Variants in PARM1 observed in about 807,000 individuals in gnomAD.
PARM1 encodes the protein WSC4, cell wall integrity and stress response component 4 homolog.
In PARM1, 14 loss-of-function variants were observed where a neutral mutation model predicts 24.6. The ratio of observed to expected loss-of-function variants is 0.57; its 90% CI spans 0.38 to 0.89. The LOEUF (loss-of-function observed/expected upper bound fraction) is 0.89. PARM1 is among the 40% of genes least tolerant of loss of function. The pLI is 0.00. For synonymous variants in PARM1, 179 were observed against 156.6 expected, an observed-to-expected ratio of 1.14 and a Z score of -1.07; for missense variants, 362 against 380.4, an observed-to-expected ratio of 0.95 and a Z score of 0.40.
At chr4:74,945,644 A>G (rs1437818625) in intron 1 of PARM1, among the ~76,000 whole-genome samples, 1 of 152,200 alleles carries the variant, frequency 6.6e-6, no homozygotes, top group Non-Finnish European at 1.5e-5. Context: ...ACTGATCAGT[A>G]TTTAATATAC....
chr4:74,942,492 T>C (rs1384166001), intron 1 of PARM1, among the ~76,000 whole-genome samples: 8 of 152,246 alleles, frequency 5.3e-5, no homozygotes, highest in Non-Finnish European at 4.4e-5. Flanking sequence ...CTAGACTTTC[T>C]TCCCCTAGGG....
At chr4:74,949,960 G>A (rs527609098) in intron 1 of PARM1, among the ~76,000 whole-genome samples, 1 of 151,510 alleles carries the variant, frequency 6.6e-6, no homozygotes, top group Non-Finnish European at 1.5e-5. Context: ...TTTCATCTTG[G>A]AACTCTGGAA....
chr4:74,976,894 C>A (rs74739939), intron 1 of PARM1, among the ~76,000 whole-genome samples: 2,645 of 151,950 alleles, frequency 0.017, 62 homozygotes, highest in African/African-American at 0.06. Context: ...GAAAAACAAA[C>A]AAATATAAAG....
intron 2 of PARM1, among the ~76,000 whole-genome samples, chr4:75,020,929 C>T (rs375778906): frequency 2.3e-4 from 35 of 152,334 alleles, no homozygotes; most frequent in African/African-American, 7.5e-4. Context: ...CCAGTTACAA[C>T]TTGTCACAAG....
At chr4:74,941,452 C>A (rs1721308091) in intron 1 of PARM1, among the ~76,000 whole-genome samples, 1 of 152,106 alleles carries the variant, frequency 6.6e-6, no homozygotes, top group Admixed American at 6.5e-5. Context: ...AAGAAAACAT[C>A]AAATGGCTGA....
At chr4:75,004,712 G>A (rs558743071) in intron 1 of PARM1, among the ~76,000 whole-genome samples, 22 of 152,048 alleles carry the variant, frequency 1.4e-4, no homozygotes, top group Non-Finnish European at 2.6e-4. Context: ...GGAAGGGGAA[G>A]GGTTCATACA....
At chr4:74,984,271 C>T (rs1722310499) in intron 1 of PARM1, among the ~76,000 whole-genome samples, 2 of 152,224 alleles carry the variant, frequency 1.3e-5, no homozygotes, top group Non-Finnish European at 2.9e-5. Context: ...CTATTATACA[C>T]CAAACCTGTA....
rs569404232 is a variant in PARM1 at position 75,001,542 on chromosome 4, C to T, written c.44-10883C>T. ...AGGTTCTGTATCTTGATCTTGCTGG[C>T]GGTAGCACAGGTATACACATGTAAA... On this transcript the variant is annotated intron_variant, in intron 1 of 3. Transcript: ENST00000307428. Among the ~76,000 whole-genome samples, 17 of 152,158 alleles carry T rather than the reference C, an allele frequency of 1.1e-4. 1 individual carries two copies. In the South Asian group the frequency reaches 2.5e-3, roughly 22 times the overall value.
chr4:74,937,690 A>G (rs1208990897), intron 1 of PARM1, among the ~76,000 whole-genome samples: 1 of 152,206 alleles, frequency 6.6e-6, no homozygotes, highest in Non-Finnish European at 1.5e-5. Flanking sequence ...ATTTTTATTA[A>G]TGAAGTGTAC....
At chr4:74,977,580 G>A (rs1273424436) in intron 1 of PARM1, among the ~76,000 whole-genome samples, 1 of 152,188 alleles carries the variant, frequency 6.6e-6, no homozygotes, top group Non-Finnish European at 1.5e-5. Context: ...AACCTAGCAA[G>A]ACAGGCCAAC....
chr4:74,933,251 C>T lies in PARM1; in HGVS notation c.-77C>T. 2 of 1,332,052 alleles carry T rather than the reference C, an allele frequency of 1.5e-6. No individual in the cohort carries two copies. Among genetic ancestry groups the T allele is most frequent in the Non-Finnish European group, 2.1e-6 (2 of 932,332 alleles). The allele number at this position is 1,332,052 out of a possible 1,614,324, so 82.5% of individuals were successfully genotyped here. ...AGCCCACCCGGCAGAGGAGTCGCTA[C>T]CAGCGCCCAGTGCGCTCTGTCAGTC... On this transcript the variant is annotated 5_prime_UTR_variant, in exon 1 of 4. Coordinates refer to ENST00000307428, the MANE Select transcript of PARM1 (RefSeq NM_015393.4).
chr4:74,965,427 A>T (rs1260211780), intron 1 of PARM1: 5 of 152,228 alleles, frequency 3.3e-5, no homozygotes, highest in Non-Finnish European at 7.3e-5. Flanking sequence ...AGGTGCTGTC[A>T]TTCCTTTGTA....
intron 1 of PARM1, among the ~76,000 whole-genome samples, chr4:74,974,563 T>C (rs990254779): frequency 3.3e-5 from 5 of 152,210 alleles, no homozygotes; most frequent in African/African-American, 4.8e-5. Flanking sequence ...TTATGGTTTG[T>C]TACCATAGAA....
At chr4:74,970,904 C>A (rs1722019000) in intron 1 of PARM1, among the ~76,000 whole-genome samples, 1 of 152,164 alleles carries the variant, frequency 6.6e-6, no homozygotes, top group African/African-American at 2.4e-5. Flanking sequence ...TGAGTCCTGG[C>A]TCTGCTCCTT....
chr4:74,954,189 GA>G (rs901209608), intron 1 of PARM1, among the ~76,000 whole-genome samples: 1 of 152,242 alleles, frequency 6.6e-6, no homozygotes, highest in African/African-American at 2.4e-5. Flanking sequence ...GATGGTATAT[GA>G]AGGGACAGGA....
chr4:74,988,322 A>C (rs185098803), intron 1 of PARM1, among the ~76,000 whole-genome samples: 1 of 152,360 alleles, frequency 6.6e-6, no homozygotes, highest in Non-Finnish European at 1.5e-5. Flanking sequence ...ACAGTTGTTT[A>C]TACAATGGAC....
At chr4:74,939,319 G>A (rs1269468049) in intron 1 of PARM1, among the ~76,000 whole-genome samples, 4 of 152,078 alleles carry the variant, frequency 2.6e-5, no homozygotes, top group Non-Finnish European at 5.9e-5. Context: ...GGATTTAGAG[G>A]CAGCATTCAT....
chr4:74,990,928 C>A (rs1358436806), intron 1 of PARM1, among the ~76,000 whole-genome samples: 1 of 152,002 alleles, frequency 6.6e-6, no homozygotes, highest in Non-Finnish European at 1.5e-5. Flanking sequence ...GTAAGAGGAG[C>A]TAGATGTGAA....
intron 1 of PARM1, among the ~76,000 whole-genome samples, chr4:74,958,328 G>A (rs1473233806): frequency 2.0e-5 from 3 of 152,178 alleles, no homozygotes; most frequent in Admixed American, 2.0e-4. Flanking sequence ...CTAACAGTCT[G>A]GTGGGGGGCC....
Sources: allele counts gnomAD v4.1 joint callset (sites outside exome capture counted in the v4.1 genomes callset), GRCh38; gene constraint gnomAD v4.1.1; transcripts MANE v1.5; gene names NCBI Gene and HGNC (gene_info 2026-07-23, HGNC 2026-07-21).